Variants in MACROD2 observed in about 807,000 individuals in gnomAD.
MACROD2 encodes the protein ADP-ribose glycohydrolase MACROD2.
MACROD2 carries 36 observed loss-of-function variants against 70.4 expected under a neutral mutation model. The observed-to-expected ratio is 0.51, with a 90% CI of 0.39 to 0.68. The LOEUF (loss-of-function observed/expected upper bound fraction) is 0.68, where lower values mean the gene tolerates loss of function less well. MACROD2 is among the 30% of genes least tolerant of loss of function. The probability of loss-of-function intolerance (pLI) is 0.00; values close to 1 mark genes in which losing one functional copy is unlikely to be tolerated. For synonymous variants in MACROD2, 172 were observed against 178.8 expected (o/e 0.96, Z 0.30); for missense variants, 496 against 538.4 (o/e 0.92, Z 0.78).
intron 3 of MACROD2, among the ~76,000 whole-genome samples, chr20:14,258,660 T>C (rs2082077433): frequency 1.3e-5 from 2 of 152,260 alleles, no homozygotes; most frequent in Middle Eastern, 3.4e-3. Flanking sequence ...ATTGTGTGGG[T>C]TGTCTGTTTA....
chr20:14,611,846 G>C (rs972952763), intron 4 of MACROD2, among the ~76,000 whole-genome samples: 1 of 152,074 alleles, frequency 6.6e-6, no homozygotes, highest in East Asian at 1.9e-4. Flanking sequence ...TCATTTAGCT[G>C]TCTAATATTT....
chr20:15,817,836 G>A (rs1162114755), intron 8 of MACROD2, among the ~76,000 whole-genome samples: 1 of 152,134 alleles, frequency 6.6e-6, no homozygotes, highest in African/African-American at 2.4e-5. Flanking sequence ...TCAGAATAAA[G>A]CGTAGGTGCA....
intron 5 of MACROD2, among the ~76,000 whole-genome samples, chr20:15,005,135 C>T (rs986976876): frequency 1.3e-5 from 2 of 152,108 alleles, no homozygotes; most frequent in Admixed American, 6.5e-5. Context: ...TAAATAATAT[C>T]GCCACCTTCA....
chr20:14,035,131 T>C (rs941719980), intron 2 of MACROD2, among the ~76,000 whole-genome samples: 3 of 152,206 alleles, frequency 2.0e-5, no homozygotes, highest in Non-Finnish European at 4.4e-5. Flanking sequence ...TAAGGCATAC[T>C]CTTGGACTTT....
chr20:15,116,333 C>G (rs1469964814), intron 5 of MACROD2, among the ~76,000 whole-genome samples: 1 of 152,054 alleles, frequency 6.6e-6, no homozygotes, highest in Non-Finnish European at 1.5e-5. Context: ...TTTTTGCTCA[C>G]TCACTTCCAC....
intron 6 of MACROD2, among the ~76,000 whole-genome samples, chr20:15,264,436 A>G (rs1416419454): frequency 2.0e-5 from 3 of 152,192 alleles, no homozygotes; most frequent in Non-Finnish European, 4.4e-5. Context: ...AATAGGAGAA[A>G]AAGCATACAC....
chr20:15,202,252 G>A (rs1450830392), intron 5 of MACROD2, among the ~76,000 whole-genome samples: 1 of 152,200 alleles, frequency 6.6e-6, no homozygotes, highest in Non-Finnish European at 1.5e-5. Flanking sequence ...TTTGATGACA[G>A]TGTGGTGGCT....
intron 8 of MACROD2, among the ~76,000 whole-genome samples, chr20:15,710,481 G>A (rs1041142309): frequency 2.4e-4 from 36 of 152,014 alleles, no homozygotes; most frequent in African/African-American, 7.3e-4. Context: ...CTTTATCTAC[G>A]GCATTTTTTG....
At chr20:14,741,701 C>T (rs1359684685) in intron 5 of MACROD2, among the ~76,000 whole-genome samples, 2 of 151,988 alleles carry the variant, frequency 1.3e-5, no homozygotes, top group Middle Eastern at 3.2e-3. Context: ...ATTAGTCCAA[C>T]AGGTTGTATG....
intron 3 of MACROD2, among the ~76,000 whole-genome samples, chr20:14,272,688 A>G (rs1601421708): frequency 6.6e-6 from 1 of 151,364 alleles, no homozygotes; most frequent in South Asian, 2.1e-4. Flanking sequence ...CAATTAAAAG[A>G]CACAGACTGG....
At chr20:15,474,423 A>C (rs1262149115) in intron 7 of MACROD2, among the ~76,000 whole-genome samples, 1 of 152,168 alleles carries the variant, frequency 6.6e-6, no homozygotes. Context: ...GTGTGAGCAA[A>C]AGATAATGGA....
chr20:14,946,829 A>G (rs2074436623), intron 5 of MACROD2, among the ~76,000 whole-genome samples: 2 of 152,088 alleles, frequency 1.3e-5, no homozygotes, highest in South Asian at 4.2e-4. Flanking sequence ...ATTCCACGTG[A>G]TTTATTTTTT....
intron 3 of MACROD2, among the ~76,000 whole-genome samples, chr20:14,320,599 A>G (rs1198010471): frequency 3.3e-5 from 5 of 151,102 alleles, no homozygotes; most frequent in African/African-American, 7.3e-5. Flanking sequence ...CAGTTGGACT[A>G]TTGGCCTTTA....
chr20:15,162,666 G>T (rs1407284389), intron 5 of MACROD2, among the ~76,000 whole-genome samples: 1 of 151,890 alleles, frequency 6.6e-6, no homozygotes, highest in Non-Finnish European at 1.5e-5. Context: ...TAAATGCTGT[G>T]TGGAGGAAAC....
chr20:14,206,094 G>A (rs1314433892), intron 3 of MACROD2, among the ~76,000 whole-genome samples: 2 of 152,180 alleles, frequency 1.3e-5, no homozygotes, highest in Non-Finnish European at 2.9e-5. Context: ...ATTTAGCAAT[G>A]TCGGGGGGTG....
At chr20:14,186,561 A>G (rs527870503) in intron 3 of MACROD2, among the ~76,000 whole-genome samples, 4 of 152,330 alleles carry the variant, frequency 2.6e-5, no homozygotes, top group South Asian at 4.1e-4. Context: ...CAAAGAACTT[A>G]GAACTACCTT....
chr20:14,084,614 C>T (rs577654948), intron 2 of MACROD2, among the ~76,000 whole-genome samples: 5 of 152,190 alleles, frequency 3.3e-5, no homozygotes, highest in Admixed American at 1.3e-4. Context: ...TAGTCTTGCT[C>T]TAAATCATTT....
At chr20:14,588,802 G>A (rs558040020) in intron 4 of MACROD2, among the ~76,000 whole-genome samples, 45 of 152,294 alleles carry the variant, frequency 3.0e-4, no homozygotes, top group African/African-American at 1.1e-3. Context: ...AACATTGTAC[G>A]ACATGAGCAT....
chr20:15,137,927 A>G (rs1014111124), intron 5 of MACROD2, among the ~76,000 whole-genome samples: 3 of 152,108 alleles, frequency 2.0e-5, no homozygotes, highest in Admixed American at 2.0e-4. Flanking sequence ...TCCTTTCTGT[A>G]GTGTTCCAGT....
Sources: allele counts gnomAD v4.1 joint callset (sites outside exome capture counted in the v4.1 genomes callset), GRCh38; gene constraint gnomAD v4.1.1; transcripts MANE v1.5; gene names NCBI Gene and HGNC (gene_info 2026-07-23, HGNC 2026-07-21).